SYNE1: variants seen among roughly 807,000 people sequenced by gnomAD.
The protein encoded by SYNE1 is spectrin repeat containing nuclear envelope protein 1, also known as nesprin-1.
SYNE1 carries 616 observed loss-of-function variants against 1,111.0 expected under a neutral mutation model. The ratio of observed to expected loss-of-function variants is 0.55; its 90% confidence interval spans 0.52 to 0.59. The LOEUF is 0.59. Ranked by LOEUF, SYNE1 falls within the 20% of genes least tolerant of loss-of-function variation. The pLI is 0.00. For synonymous variants in SYNE1, 3,855 were observed against 3,825.8 expected, an observed-to-expected ratio of 1.01 and a Z score of -0.28; for missense variants, 10,006 against 10,417.0, an observed-to-expected ratio of 0.96 and a Z score of 1.72.
chr6:152,635,864 G>C (rs1324512025), intron 2 of SYNE1, among the ~76,000 whole-genome samples: 1 of 152,146 alleles, frequency 6.6e-6, no homozygotes, highest in Non-Finnish European at 1.5e-5. Flanking sequence ...CTCTATTTAC[G>C]GAAGGGGGCA....
intron 2 of SYNE1, among the ~76,000 whole-genome samples, chr6:152,629,543 GAGGGGAGGA>G (rs1422096058): frequency 7.9e-5 from 8 of 101,064 alleles, no homozygotes; most frequent in Non-Finnish European, 1.3e-4. Context: ...GGGGGAGGGG[GAGGGGAGGA>G]GGGGGTGCAG....
At chr6:152,500,407 A>G (rs1320541561) in intron 10 of SYNE1, among the ~76,000 whole-genome samples, 2 of 152,232 alleles carry the variant, frequency 1.3e-5, no homozygotes, top group Admixed American at 6.5e-5. Flanking sequence ...CTGGTGGCCA[A>G]TGTTTGTGCC....
chr6:152,429,819 G>A (rs1320751259), intron 36 of SYNE1, among the ~76,000 whole-genome samples: 2 of 152,062 alleles, frequency 1.3e-5, no homozygotes, highest in African/African-American at 2.4e-5. Context: ...GCTGGCAAGA[G>A]GTAACAGGGT....
At chr6:152,231,302 C>T (rs965983426) in intron 114 of SYNE1, 89 bp downstream of exon 114, 11 of 1,434,368 alleles carry the variant, frequency 7.7e-6, no homozygotes, top group African/African-American at 2.8e-5. Flanking sequence ...AGTATAGCCA[C>T]GCTACTTGTG....
chr6:152,177,828 T>C (rs766495754), intron 129 of SYNE1, among the ~76,000 whole-genome samples: 18 of 152,246 alleles, frequency 1.2e-4, no homozygotes, highest in Non-Finnish European at 2.5e-4. Flanking sequence ...TCTTGGATTG[T>C]CTTTAAAATC....
At chr6:152,408,564 G>A (rs1160192611) in intron 44 of SYNE1, among the ~76,000 whole-genome samples, 1 of 152,116 alleles carries the variant, frequency 6.6e-6, no homozygotes, top group East Asian at 1.9e-4. Flanking sequence ...CTGAGAATAA[G>A]TTTTTACAAA....
chr6:152,350,248 T>G lies in SYNE1; in HGVS notation c.11821A>C (p.Met3941Leu). ...LQEVEKWLLQ[M>L]SGRLVAPDLL... ...TCAGGTGCCACCAGTCTGCCAGACA[T>G]CTGCAGCAGCCACTTTTCGACCTCT... Residue 3941 changes from methionine (M) to leucine (L), a missense_variant, in exon 72 of 146, where the codon ATG becomes CTG. Met to Leu is a conservative substitution (Grantham distance 15). Coordinates refer to ENST00000367255, the MANE Select transcript of SYNE1 (RefSeq NM_182961.4). 6.2e-7 allele frequency: 1 copy of G among 1,614,166 alleles called. No individual in the cohort carries two copies. Among genetic ancestry groups the G allele is most frequent in the Non-Finnish European group, 8.5e-7 (1 of 1,180,028 alleles).
chr6:152,483,395 G>A, intron 13 of SYNE1, 146 bp from the exon 14 acceptor site: 1 of 776,756 alleles, frequency 1.3e-6, no homozygotes, highest in Non-Finnish European at 2.0e-6. Flanking sequence ...GCAAATGTCT[G>A]TGTTCTGAGT....
At position 152,376,512 on chromosome 6, in the gene SYNE1, A is replaced by G. The variant is rs1172119209; in HGVS notation, c.9193T>C (p.Leu3065=). 1 of 1,614,162 alleles carries G rather than the reference A, an allele frequency of 6.2e-7. No individual in the cohort carries two copies. Among genetic ancestry groups the G allele is most frequent in the Middle Eastern group, 1.6e-4 (1 of 6,062 alleles). The change falls in exon 58 of 146, where the codon TTA becomes CTA. Residue 3065 remains leucine, a synonymous_variant. Transcript: ENST00000367255. ...SKGCQNKEQI[L]QQRFRKAFRD... is the part of the protein sequence containing the mutation. ...AAGGCCTTTCGAAATCTTTGCTGTA[A>G]AATCTGTTCTTTATTCTGGCAGCCC...
chr6:152,513,604 T>C (rs1304445017), intron 6 of SYNE1, among the ~76,000 whole-genome samples: 1 of 152,052 alleles, frequency 6.6e-6, no homozygotes, highest in African/African-American at 2.4e-5. Flanking sequence ...AAAGTGCTGG[T>C]ATTACAGGAG....
chr6:152,311,545 C>T (rs185095558), intron 87 of SYNE1, among the ~76,000 whole-genome samples: 199 of 152,240 alleles, frequency 1.3e-3, no homozygotes, highest in Non-Finnish European at 2.4e-3. Flanking sequence ...GAGATGACTG[C>T]AACTTGGGGA....
At position 152,325,974 on chromosome 6, in the gene SYNE1, T is replaced by G. The variant is rs781688271; in HGVS notation, c.15422A>C (p.Lys5141Thr). The G allele has an allele frequency of 5.0e-6, 8 of 1,614,058 alleles. No individual in the cohort carries two copies. The African/African-American group carries it at 9.3e-5, about 19-fold the overall frequency. Residue 5141 changes from lysine to threonine, a missense_variant, in exon 80 of 146, where the codon AAA (lysine) becomes ACA (threonine). Around this residue, in one of 7 missense-constraint regions of SYNE1, gnomAD observed 4,955 missense variants for 5,017.2 expected, o/e 0.99. Transcript: ENST00000367255. ...AACTCTGACCTTGTGTTCTGACAAT[T>G]TTTCTTCCGCTTCATGACTAGACGA... is the stretch of plus-strand genomic sequence containing the variant. ...KTSSSHEAEE[K>T]LSEHKALVSV...
chr6:152,123,638 A>G (rs1440178926), intron 145 of SYNE1, among the ~76,000 whole-genome samples: 3 of 152,188 alleles, frequency 2.0e-5, no homozygotes, highest in Non-Finnish European at 4.4e-5. Context: ...ATGAAGAAAG[A>G]AATGTTGTTT....
At chr6:152,261,461 G>A (rs749693885) in intron 101 of SYNE1, among the ~76,000 whole-genome samples, 30 of 152,128 alleles carry the variant, frequency 2.0e-4, no homozygotes, top group African/African-American at 6.5e-4. Flanking sequence ...CATGCCTGGT[G>A]GAACCAAGCC....
intron 55 of SYNE1, chr6:152,381,584 T>A: frequency 1.7e-6 from 1 of 593,056 alleles, no homozygotes; most frequent in Non-Finnish European, 3.0e-6. Context: ...GAATCCTCAA[T>A]ATCCTGAAAC....
In SYNE1 at chr6:152,336,825, G is replaced by T; in HGVS notation, c.12528+16C>A. 6.2e-7 allele frequency: 1 copy of T among 1,611,220 alleles called. No individual in the cohort carries two copies. The highest frequency in any genetic ancestry group is 8.5e-7 in the Non-Finnish European group (1 of 1,179,972). ...TTGGCCTCTTTTATCTCCCTTGGGG[G>T]CAAATTAATTCCCACCTTAACTTGT... On this transcript the variant is annotated intron_variant, in intron 76 of 145. Transcript: ENST00000367255.
intron 14 of SYNE1, among the ~76,000 whole-genome samples, chr6:152,476,387 A>G (rs2098834866): frequency 6.6e-6 from 1 of 152,126 alleles, no homozygotes; most frequent in Non-Finnish European, 1.5e-5. Flanking sequence ...GTATGTATCT[A>G]ATGCTGAAAA....
intron 130 of SYNE1, among the ~76,000 whole-genome samples, chr6:152,170,575 T>C (rs2813498): frequency 0.26 from 40,284 of 152,024 alleles, 6,338 homozygotes; most frequent in East Asian, 0.52. Context: ...ACCTTCCGAC[T>C]CAAACACCCT....
intron 6 of SYNE1, among the ~76,000 whole-genome samples, chr6:152,516,413 C>T (rs1161742002): frequency 6.6e-6 from 1 of 152,086 alleles, no homozygotes; most frequent in African/African-American, 2.4e-5. Flanking sequence ...TCTTTATAAA[C>T]AATGCCTTTC....
Sources: allele counts gnomAD v4.1 joint callset (sites outside exome capture counted in the v4.1 genomes callset), GRCh38; gene constraint gnomAD v4.1.1; regional missense constraint gnomAD v4.1.1; transcripts MANE v1.5; gene names NCBI Gene and HGNC (gene_info 2026-07-23, HGNC 2026-07-21).